CD28: variants seen among roughly 807,000 people sequenced by gnomAD.
CD28 encodes CD28 molecule, also known as T-cell-specific surface glycoprotein CD28.
CD28 carries 8 observed loss-of-function variants against 21.4 expected under a neutral mutation model. The observed-to-expected ratio is 0.37, with a 90% CI of 0.22 to 0.68. CD28 has a LOEUF of 0.68. Among genes scored for constraint, CD28 ranks in the 30% least tolerant of loss-of-function variants. CD28 has a pLI of 0.55. For synonymous variants in CD28, 106 were observed against 104.0 expected (o/e 1.02, Z -0.12); for missense variants, 239 against 272.2 (o/e 0.88, Z 0.86).
intron 1 of CD28, among the ~76,000 whole-genome samples, chr2:203,724,570 G>C (rs982848039): frequency 6.6e-6 from 1 of 152,148 alleles, no homozygotes; most frequent in Admixed American, 6.5e-5. Context: ...ATTTTGTAGA[G>C]ATGGGTTCTT....
Position 203,715,635 on chromosome 2 carries a change from C to T in CD28, c.52+8887C>T, listed in dbSNP as rs529391885. Among the ~76,000 whole-genome samples, 6 of 152,282 alleles carry T rather than the reference C, an allele frequency of 3.9e-5. No individual in the cohort carries two copies. The East Asian group carries it at 9.6e-4, about 24-fold the overall frequency. ...TTTAATATTAACTGTCATCCTAATA[C>T]ATATGAACTTCCTAATGTACATTTC... On this transcript the variant is annotated intron_variant, in intron 1 of 3. Transcript: ENST00000324106.
At chr2:203,719,309 C>T (rs1253632404) in intron 1 of CD28, among the ~76,000 whole-genome samples, 1 of 152,138 alleles carries the variant, frequency 6.6e-6, no homozygotes, top group Non-Finnish European at 1.5e-5. Flanking sequence ...TCCAAGTTCC[C>T]TTCCAGTTGA....
chr2:203,711,165 T>C (rs1693301006), intron 1 of CD28, among the ~76,000 whole-genome samples: 1 of 152,200 alleles, frequency 6.6e-6, no homozygotes, highest in Admixed American at 6.5e-5. Context: ...GCTTTGAGCC[T>C]GATAATTATA....
rs200858411 is a variant in CD28, at chr2:203,729,645, C to T, written c.410-3C>T. On this transcript the variant is annotated splice_polypyrimidine_tract_variant and splice_region_variant and intron_variant, in intron 2 of 3. Transcript: ENST00000324106. The stretch of plus-strand genomic sequence containing the variant: ...ATTTAATCCACTCTATTTTGTTTTT[C>T]AGGGAAACACCTTTGTCCAAGTCCC... 2.5e-6 allele frequency: 4 copies of T among 1,612,428 alleles called. No individual in the cohort carries two copies. The highest frequency in any genetic ancestry group is 3.4e-6 in the Non-Finnish European group (4 of 1,179,416).
intron 2 of CD28, 86 bp downstream of exon 2, chr2:203,727,075 G>A (rs1693771695): frequency 3.7e-6 from 3 of 804,036 alleles, no homozygotes; most frequent in Admixed American, 2.1e-5. Context: ...CAGTGGTGGG[G>A]TTGAATAAGG....
chr2:203,724,993 T>C (rs1005119087), intron 1 of CD28, among the ~76,000 whole-genome samples: 2 of 152,130 alleles, frequency 1.3e-5, no homozygotes, highest in African/African-American at 4.8e-5. Context: ...TTTGTTGTTT[T>C]AGAAAAATTC....
intron 1 of CD28, among the ~76,000 whole-genome samples, chr2:203,725,886 AC>A (rs1693732676): frequency 6.6e-6 from 1 of 152,224 alleles, no homozygotes; most frequent in Admixed American, 6.5e-5. Context: ...TAATTCCTTT[AC>A]AAAAACCTGT....
chr2:203,718,703 T>C (rs1423750231), intron 1 of CD28, among the ~76,000 whole-genome samples: 2 of 152,234 alleles, frequency 1.3e-5, no homozygotes, highest in Non-Finnish European at 2.9e-5. Flanking sequence ...ACTGCTTCTT[T>C]AGCTTCCCAG....
intron 3 of CD28, among the ~76,000 whole-genome samples, chr2:203,733,122 A>C: frequency 6.6e-6 from 1 of 152,112 alleles, no homozygotes; most frequent in Middle Eastern, 3.2e-3. Context: ...CCTCGGCCTC[A>C]CCCCTGCCCT....
At chr2:203,715,692 C>G (rs1226427590) in intron 1 of CD28, among the ~76,000 whole-genome samples, 2 of 152,144 alleles carry the variant, frequency 1.3e-5, no homozygotes, top group Non-Finnish European at 2.9e-5. Flanking sequence ...AACTCTAGTC[C>G]TATACTTCTA....
Position 203,734,772 on chromosome 2 carries a change from T to C in CD28, c.535-12T>C. 6.2e-7 allele frequency: 1 copy of C among 1,614,162 alleles called. No homozygotes were observed. The highest frequency in any genetic ancestry group is 8.5e-7 in the Non-Finnish European group (1 of 1,179,992). On this transcript the variant is annotated splice_polypyrimidine_tract_variant and intron_variant, in intron 3 of 3. Transcript: ENST00000324106. ...CATTGTCCCTCCATACTGACACTTCTCTTTCCTGCAGGTGAGGAGTAAGAG... is the reference window on the plus strand; with the variant it reads ...CATTGTCCCTCCATACTGACACTTCCCTTTCCTGCAGGTGAGGAGTAAGAG...
At chr2:203,707,299 C>T (rs1411393538) in intron 1 of CD28, among the ~76,000 whole-genome samples, 1 of 151,958 alleles carries the variant, frequency 6.6e-6, no homozygotes, top group Non-Finnish European at 1.5e-5. Flanking sequence ...TTAGGCTTAG[C>T]TATTATTTAA....
intron 1 of CD28, among the ~76,000 whole-genome samples, chr2:203,718,246 C>T (rs1452343915): frequency 1.3e-5 from 2 of 152,160 alleles, no homozygotes; most frequent in East Asian, 1.9e-4. Flanking sequence ...GAGCAACCAC[C>T]GGGTTGTCTT....
At chr2:203,726,570 C>T (rs1327374205) in intron 1 of CD28, 63 bp from the exon 2 acceptor site, 27 of 1,201,978 alleles carry the variant, frequency 2.2e-5, no homozygotes, top group Non-Finnish European at 3.1e-5. Flanking sequence ...ATATATTTTG[C>T]TCTCAGGAAG....
At chr2:203,707,470 A>G (rs1396457174) in intron 1 of CD28, among the ~76,000 whole-genome samples, 2 of 152,232 alleles carry the variant, frequency 1.3e-5, no homozygotes, top group Non-Finnish European at 2.9e-5. Context: ...CCTGAATTGA[A>G]TGAGTTCCAA....
At chr2:203,716,193 T>A (rs575456226) in intron 1 of CD28, among the ~76,000 whole-genome samples, 1 of 152,298 alleles carries the variant, frequency 6.6e-6, no homozygotes, top group East Asian at 1.9e-4. Context: ...CAGTTCCCAA[T>A]AAACTCTCAC....
At chr2:203,722,821 T>C (rs563421268) in intron 1 of CD28, among the ~76,000 whole-genome samples, 1 of 152,350 alleles carries the variant, frequency 6.6e-6, no homozygotes, top group South Asian at 2.1e-4. Context: ...GTAGGAATGC[T>C]CACAGTCTGT....
At chr2:203,718,329 T>C (rs1289876387) in intron 1 of CD28, among the ~76,000 whole-genome samples, 1 of 152,184 alleles carries the variant, frequency 6.6e-6, no homozygotes, top group Admixed American at 6.5e-5. Flanking sequence ...AAGGGCATCC[T>C]GGGCCTGAAC....
At chr2:203,724,684 C>T (rs1413220634) in intron 1 of CD28, among the ~76,000 whole-genome samples, 1 of 152,114 alleles carries the variant, frequency 6.6e-6, no homozygotes, top group African/African-American at 2.4e-5. Flanking sequence ...TCATCCCCAG[C>T]CAGCATTATT....
Sources: gnomAD v4.1 joint callset for allele counts (sites outside exome capture counted in the v4.1 genomes callset) on GRCh38, gnomAD v4.1.1 for gene constraint, MANE v1.5 for transcripts, NCBI Gene and HGNC (gene_info 2026-07-23, HGNC 2026-07-21) for gene names.